Variants in SOX5 observed in about 807,000 individuals in gnomAD.
SOX5 encodes the protein transcription factor SOX-5.
A neutral mutation model predicts 92.0 loss-of-function variants in SOX5; 9 were observed. The observed-to-expected ratio is 0.10, with a 90% confidence interval of 0.06 to 0.17. The LOEUF (loss-of-function observed/expected upper bound fraction) is 0.17. Ranked by LOEUF, SOX5 falls within the 10% of genes least tolerant of loss-of-function variation. SOX5 has a pLI of 1.00. For missense variants in SOX5, 642 were observed against 944.5 expected, an observed-to-expected ratio of 0.68 and a Z score of 4.20; for synonymous variants, 344 against 336.3, an observed-to-expected ratio of 1.02 and a Z score of -0.25.
chr12:24,264,787 C>T (rs1942768042), intron 3 of SOX5, among the ~76,000 whole-genome samples: 1 of 152,182 alleles, frequency 6.6e-6, no homozygotes, highest in South Asian at 2.1e-4. Flanking sequence ...ACTACAAAAA[C>T]ACTAGAAGAG....
At chr12:24,186,029 G>A (rs1261589606) in intron 4 of SOX5, among the ~76,000 whole-genome samples, 2 of 152,026 alleles carry the variant, frequency 1.3e-5, no homozygotes, top group Non-Finnish European at 2.9e-5. Flanking sequence ...ACAACCACAG[G>A]TTACTGGGGC....
intron 6 of SOX5, among the ~76,000 whole-genome samples, chr12:23,678,315 C>T (rs2086037534): frequency 1.3e-5 from 2 of 152,072 alleles, no homozygotes; most frequent in Admixed American, 6.6e-5. Flanking sequence ...AATTTTACTA[C>T]TTTGCTAAAT....
At chr12:24,521,998 A>C (rs771698004) in intron 1 of SOX5, among the ~76,000 whole-genome samples, 18 of 151,958 alleles carry the variant, frequency 1.2e-4, no homozygotes, top group Non-Finnish European at 2.2e-4. Flanking sequence ...AAATCAGCAA[A>C]AGAGCTGATT....
intron 4 of SOX5, among the ~76,000 whole-genome samples, chr12:24,207,104 T>C (rs1958101315): frequency 6.6e-6 from 1 of 152,208 alleles, no homozygotes; most frequent in Non-Finnish European, 1.5e-5. Context: ...CATCAGTGTG[T>C]TTAACTACTG....
intron 2 of SOX5, among the ~76,000 whole-genome samples, chr12:24,296,077 T>A (rs1392314440): frequency 6.6e-6 from 1 of 152,162 alleles, no homozygotes; most frequent in Non-Finnish European, 1.5e-5. Flanking sequence ...ATCTGAGAAA[T>A]AAAATATCCT....
At chr12:24,087,284 A>G (rs1944113312) in intron 4 of SOX5, among the ~76,000 whole-genome samples, 1 of 152,110 alleles carries the variant, frequency 6.6e-6, no homozygotes, top group African/African-American at 2.4e-5. Flanking sequence ...ATGCATAAGA[A>G]AAAAGGACAC....
chr12:24,379,568 C>T (rs1317663469), intron 1 of SOX5, among the ~76,000 whole-genome samples: 1 of 152,158 alleles, frequency 6.6e-6, no homozygotes, highest in Non-Finnish European at 1.5e-5. Context: ...AATTCCAGTG[C>T]TGTCATCAAT....
intron 3 of SOX5, among the ~76,000 whole-genome samples, chr12:24,253,272 T>TTC (rs1940515762): frequency 7.5e-6 from 1 of 133,770 alleles, no homozygotes; most frequent in African/African-American, 3.4e-5. Context: ...GTGCACATCT[T>TTC]TTTTTTTTTT....
chr12:23,864,903 C>T (rs1167755097), intron 2 of SOX5, among the ~76,000 whole-genome samples: 2 of 152,178 alleles, frequency 1.3e-5, no homozygotes, highest in Admixed American at 6.5e-5. Flanking sequence ...AAACAATCTT[C>T]TATTGGAGGG....
intron 1 of SOX5, among the ~76,000 whole-genome samples, chr12:24,403,020 CAAAT>C (rs768390347): frequency 1.3e-5 from 2 of 152,162 alleles, no homozygotes; most frequent in East Asian, 1.9e-4. Context: ...ATAACAGGCA[CAAAT>C]CTTCCCATGA....
At chr12:24,345,946 C>T (rs1481370269) in intron 2 of SOX5, among the ~76,000 whole-genome samples, 1 of 152,212 alleles carries the variant, frequency 6.6e-6, no homozygotes, top group African/African-American at 2.4e-5. Context: ...TCTATTACTA[C>T]TACACATTAG....
At chr12:24,321,070 C>G (rs1312252805) in intron 2 of SOX5, among the ~76,000 whole-genome samples, 1 of 152,130 alleles carries the variant, frequency 6.6e-6, no homozygotes, top group African/African-American at 2.4e-5. Context: ...ATTTCCTTTC[C>G]CAGCCCTCTT....
intron 2 of SOX5, among the ~76,000 whole-genome samples, chr12:24,322,503 G>GT (rs1595564960): frequency 6.6e-6 from 1 of 152,170 alleles, no homozygotes; most frequent in South Asian, 2.1e-4. Context: ...GTATGCACAC[G>GT]TAAGTGTGTC....
chr12:23,649,043 C>G (rs2081230412), intron 7 of SOX5, among the ~76,000 whole-genome samples: 1 of 152,018 alleles, frequency 6.6e-6, no homozygotes, highest in Non-Finnish European at 1.5e-5. Context: ...ACCTTGTTAC[C>G]ATTTTTTCAA....
chr12:23,777,832 C>G (rs1486512137), intron 3 of SOX5, among the ~76,000 whole-genome samples: 1 of 152,148 alleles, frequency 6.6e-6, no homozygotes, highest in Non-Finnish European at 1.5e-5. Context: ...CTTCAACGTA[C>G]TTGCACTGAG....
chr12:23,899,673 C>T (rs1261214641), intron 1 of SOX5, among the ~76,000 whole-genome samples: 1 of 152,182 alleles, frequency 6.6e-6, no homozygotes, highest in Non-Finnish European at 1.5e-5. Flanking sequence ...TGACGTAACA[C>T]TGGTCTTAGC....
At chr12:23,777,565 C>T (rs576956696) in intron 3 of SOX5, among the ~76,000 whole-genome samples, 1 of 152,196 alleles carries the variant, frequency 6.6e-6, no homozygotes, top group East Asian at 1.9e-4. Context: ...TCAGTAAACA[C>T]ATACACACAC....
intron 4 of SOX5, among the ~76,000 whole-genome samples, chr12:23,977,746 C>T (rs541211740): frequency 1.3e-5 from 2 of 150,674 alleles, no homozygotes; most frequent in Non-Finnish European, 3.0e-5. Flanking sequence ...TTATCTAAGA[C>T]ACCCTTGTAC....
At chr12:24,305,894 G>C (rs2140712904) in intron 2 of SOX5, among the ~76,000 whole-genome samples, 1 of 152,162 alleles carries the variant, frequency 6.6e-6, no homozygotes, top group South Asian at 2.1e-4. Flanking sequence ...ACCGCGCCCA[G>C]CCGATGAAAG....
Sources: allele counts gnomAD v4.1 joint callset (sites outside exome capture counted in the v4.1 genomes callset), GRCh38; gene constraint gnomAD v4.1.1; transcripts MANE v1.5; gene names NCBI Gene and HGNC (gene_info 2026-07-23, HGNC 2026-07-21).